The following TLK2 variants were observed in gnomAD, a reference collection of about 807,000 sequenced individuals.
The protein encoded by TLK2 is tousled like kinase 2, also known as serine/threonine-protein kinase tousled-like 2.
A neutral mutation model predicts 117.3 loss-of-function variants in TLK2; 6 were observed. The observed-to-expected ratio is 0.05, with a 90% confidence interval of 0.03 to 0.10. The LOEUF (loss-of-function observed/expected upper bound fraction) is 0.10. Ranked by LOEUF, TLK2 falls within the 10% of genes least tolerant of loss-of-function variation. TLK2 has a pLI of 1.00. For synonymous variants in TLK2, 257 were observed against 316.7 expected (o/e 0.81, Z 2.00); for missense variants, 299 against 901.2 (o/e 0.33, Z 8.56).
intron 2 of TLK2, among the ~76,000 whole-genome samples, chr17:62,502,425 A>G (rs1301096656): frequency 6.6e-6 from 1 of 152,230 alleles, no homozygotes; most frequent in Non-Finnish European, 1.5e-5. Flanking sequence ...TGAAAAATAT[A>G]TAAGTAACAT....
intron 2 of TLK2, among the ~76,000 whole-genome samples, chr17:62,494,187 ATTC>A (rs1223510722): frequency 6.6e-6 from 1 of 152,006 alleles, no homozygotes; most frequent in Non-Finnish European, 1.5e-5. Context: ...GGTTCAAGCG[ATTC>A]TTCTGTCTCA....
In TLK2 at chr17:62,524,278, G is replaced by A. The variant is rs774069189; in HGVS notation, c.310G>A (p.Val104Ile). ...GCCAGGAACCAGCCCTGGCAGAAGT[G>A]TTCCACCAGTTGCACGATCCTCACC... is the stretch of plus-strand genomic sequence containing the variant. ...SAPGTSPGRS[V>I]PPVARSSPQH... is the part of the protein sequence containing the mutation. Residue 104 changes from valine (V) to isoleucine (I), a missense_variant, in exon 6 of 22, where the codon GTT becomes ATT. Coordinates refer to ENST00000346027, the MANE Select transcript of TLK2 (RefSeq NM_006852.6). 8.1e-6 allele frequency: 13 copies of A among 1,613,856 alleles called. No homozygotes were observed. In the South Asian group the frequency reaches 1.3e-4, roughly 16 times the overall value.
intron 2 of TLK2, among the ~76,000 whole-genome samples, chr17:62,508,168 G>GTTTTTTTTTTTTT (rs34268998): frequency 8.0e-6 from 1 of 125,760 alleles, no homozygotes; most frequent in Non-Finnish European, 1.6e-5. Flanking sequence ...AAATTTCCTA[G>GTTTTTTTTTTTTT]TTTTTTTTTT....
chr17:62,526,857 G>T (rs2430929), intron 6 of TLK2, among the ~76,000 whole-genome samples: 49,709 of 151,924 alleles, frequency 0.33, 8,300 homozygotes, highest in Admixed American at 0.39. Flanking sequence ...CCTTGTTTTT[G>T]CCCTTGTTTC....
intron 2 of TLK2, among the ~76,000 whole-genome samples, chr17:62,490,543 T>G (rs1453440710): frequency 1.3e-5 from 2 of 152,154 alleles, no homozygotes; most frequent in South Asian, 2.1e-4. Context: ...TAGATTTTTC[T>G]TTTTCTTTTT....
At chr17:62,509,935 G>A (rs1484639952) in intron 2 of TLK2, among the ~76,000 whole-genome samples, 1 of 152,152 alleles carries the variant, frequency 6.6e-6, no homozygotes, top group Non-Finnish European at 1.5e-5. Context: ...CCTTGGTATT[G>A]TACTTCCCAG....
rs770709685 is a variant in TLK2, at chr17:62,614,820, C to G, written c.*2255C>G. ...CTGCTAAGCAAAGGGTCTCACAGGT[C>G]GAGCACAGTGCTGAGAGGATGGTGT... On this transcript the variant is annotated 3_prime_UTR_variant, in exon 22 of 22. Transcript: ENST00000346027. The G allele has an allele frequency of 6.6e-6, 1 of 152,126 alleles. No homozygotes were observed. Among genetic ancestry groups the G allele is most frequent in the Non-Finnish European group, 1.5e-5 (1 of 68,032 alleles). 9.4% of individuals were successfully genotyped at this position (152,126 alleles called of 1,614,324 possible).
chr17:62,497,136 TA>T (rs2073780512), intron 2 of TLK2, among the ~76,000 whole-genome samples: 1 of 151,906 alleles, frequency 6.6e-6, no homozygotes, highest in Non-Finnish European at 1.5e-5. Flanking sequence ...CGTGTGCCTA[TA>T]GTCCCATCTG....
chr17:62,474,633 C>A (rs1238003665), upstream of TLK2, among the ~76,000 whole-genome samples: 1 of 151,206 alleles, frequency 6.6e-6, no homozygotes, highest in South Asian at 2.1e-4. Context: ...TGGTCTCGAT[C>A]TCCTGACCTC....
At chr17:62,612,117 T>G in intron 21 of TLK2, 2 of 263,404 alleles carry the variant, frequency 7.6e-6, no homozygotes, top group Non-Finnish European at 1.4e-5. Context: ...GGGGCAGGAG[T>G]ATTTAGAGGT....
intron 2 of TLK2, among the ~76,000 whole-genome samples, chr17:62,502,029 A>ATTTTTTTTTTT (rs371212708): frequency 8.0e-5 from 11 of 137,464 alleles, no homozygotes; most frequent in African/African-American, 1.6e-4. Flanking sequence ...AAAAATACCA[A>ATTTTTTTTTTT]TTTTTTTTTT....
intron 7 of TLK2, among the ~76,000 whole-genome samples, chr17:62,540,252 C>T (rs1271130365): frequency 1.3e-5 from 2 of 150,392 alleles, no homozygotes; most frequent in African/African-American, 4.9e-5. Flanking sequence ...CAGCCTTCTA[C>T]ATCTCAATAA....
chr17:62,541,412 C>T (rs1346607575), intron 7 of TLK2, among the ~76,000 whole-genome samples: 1 of 152,110 alleles, frequency 6.6e-6, no homozygotes, highest in East Asian at 1.9e-4. Context: ...TATAGAAGGA[C>T]TGGTTAAATG....
chr17:62,559,312 A>G (rs2079079612), intron 9 of TLK2, among the ~76,000 whole-genome samples: 1 of 151,824 alleles, frequency 6.6e-6, no homozygotes, highest in Admixed American at 6.6e-5. Flanking sequence ...AAAATTCAGT[A>G]ATTTTTTTGT....
intron 6 of TLK2, among the ~76,000 whole-genome samples, chr17:62,530,906 A>G (rs1274031197): frequency 6.6e-6 from 1 of 151,980 alleles, no homozygotes; most frequent in Non-Finnish European, 1.5e-5. Flanking sequence ...TTTTTCTTTT[A>G]ACACAATTGA....
At position 62,525,741 on chromosome 17, in the gene TLK2, T is replaced by C. The variant is rs141206505; in HGVS notation, c.363+1410T>C. On this transcript the variant is annotated intron_variant, in intron 6 of 21. Coordinates refer to ENST00000346027, the MANE Select transcript of TLK2 (RefSeq NM_006852.6). ...TTGAGATTACAGGCATTAGCCATTG[T>C]GTCAGACCATCCTTGGCCATAGTTT... 3.4e-3 allele frequency among the ~76,000 whole-genome samples: 524 copies of C among 152,342 alleles called. 5 individuals carry two copies. Among genetic ancestry groups the C allele is most frequent in the African/African-American group, 0.012 (508 of 41,578 alleles).
chr17:62,611,939 CGTT>C (rs1568026333), intron 21 of TLK2: 2 of 153,098 alleles, frequency 1.3e-5, no homozygotes, highest in African/African-American at 4.8e-5. Flanking sequence ...TAGTGTTAGT[CGTT>C]GTGTGTCTCC....
intron 21 of TLK2, among the ~76,000 whole-genome samples, chr17:62,608,700 C>A (rs866903144): frequency 6.6e-6 from 1 of 152,308 alleles, no homozygotes; most frequent in East Asian, 1.9e-4. Flanking sequence ...TTACCTCCCA[C>A]CAGGACCCTA....
chr17:62,569,530 G>A (rs531869688), intron 11 of TLK2, among the ~76,000 whole-genome samples: 1 of 149,384 alleles, frequency 6.7e-6, no homozygotes, highest in South Asian at 2.1e-4. Flanking sequence ...CTGCCCCCTG[G>A]GTTCAAGCAA....
Sources: gnomAD v4.1 joint callset for allele counts (sites outside exome capture counted in the v4.1 genomes callset) on GRCh38, gnomAD v4.1.1 for gene constraint, MANE v1.5 for transcripts, NCBI Gene and HGNC (gene_info 2026-07-23, HGNC 2026-07-21) for gene names.